Variants in LIMCH1 observed in about 807,000 individuals in gnomAD.
LIMCH1 encodes LIM and calponin homology domains 1.
A neutral mutation model predicts 176.5 loss-of-function variants in LIMCH1; 113 were observed. The ratio of observed to expected loss-of-function variants is 0.64; its 90% confidence interval spans 0.55 to 0.75. LIMCH1 has a LOEUF of 0.75. Ranked by LOEUF, LIMCH1 falls within the 30% of genes least tolerant of loss-of-function variation. The pLI is 0.00. For synonymous variants in LIMCH1, 619 were observed against 645.9 expected (o/e 0.96, Z 0.63); for missense variants, 1,674 against 1,814.9 (o/e 0.92, Z 1.41).
intron 18 of LIMCH1, among the ~76,000 whole-genome samples, chr4:41,657,500 CTG>C (rs2094496561): frequency 6.6e-6 from 1 of 152,184 alleles, no homozygotes; most frequent in African/African-American, 2.4e-5. Context: ...ATACAGAAAA[CTG>C]GAGAAAACAT....
At chr4:41,601,577 G>T (rs959249784) in intron 2 of LIMCH1, among the ~76,000 whole-genome samples, 6 of 152,152 alleles carry the variant, frequency 3.9e-5, no homozygotes, top group African/African-American at 1.4e-4. Context: ...TGTGTGGTGG[G>T]CGTGGCAGTC....
rs781087986 is a variant in LIMCH1 at position 41,451,569 on chromosome 4, C to A, written c.97-42967C>A. Among the ~76,000 whole-genome samples the A allele has an allele frequency of 2.6e-5, 4 of 152,214 alleles. 1 individual carries two copies. The highest frequency in any genetic ancestry group is 5.9e-5 in the Non-Finnish European group (4 of 68,044). ...GACCTCTCCTCTCTCCCTTCTCCCC[C>A]ATGGAGTGCTGGTTCAGGAATATTT... On this transcript the variant is annotated intron_variant, in intron 1 of 26. Coordinates refer to the LIMCH1 transcript ENST00000313860.
chr4:41,435,915 AAAT>A (rs1162569123), intron 1 of LIMCH1, among the ~76,000 whole-genome samples: 23 of 152,334 alleles, frequency 1.5e-4, no homozygotes, highest in African/African-American at 5.3e-4. Flanking sequence ...CCTATAATAG[AAAT>A]AATAAAACAG....
chr4:41,402,302 C>T (rs2058530965), intron 1 of LIMCH1, among the ~76,000 whole-genome samples: 2 of 151,722 alleles, frequency 1.3e-5, no homozygotes, highest in Non-Finnish European at 2.9e-5. Context: ...GTTAGAATGG[C>T]AATCATTAAA....
chr4:41,542,446 G>A (rs1281829639), intron 1 of LIMCH1, among the ~76,000 whole-genome samples: 1 of 151,550 alleles, frequency 6.6e-6, no homozygotes, highest in African/African-American at 2.4e-5. Flanking sequence ...AAATGTGAAT[G>A]TGTGAATTTA....
chr4:41,634,628 A>G (rs1220658162), intron 13 of LIMCH1, among the ~76,000 whole-genome samples: 1 of 152,194 alleles, frequency 6.6e-6, no homozygotes, highest in Non-Finnish European at 1.5e-5. Context: ...TAAAACAGTA[A>G]TGGAGCCTAG....
chr4:41,398,103 TAA>T (rs1159120421), intron 1 of LIMCH1, among the ~76,000 whole-genome samples: 11 of 151,446 alleles, frequency 7.3e-5, no homozygotes, highest in African/African-American at 2.7e-4. Flanking sequence ...CCAGATACTT[TAA>T]ATTAAAAAAA....
intron 1 of LIMCH1, among the ~76,000 whole-genome samples, chr4:41,445,911 A>G (rs923971279): frequency 2.6e-5 from 4 of 152,214 alleles, no homozygotes; most frequent in Admixed American, 1.3e-4. Context: ...TGAGATAAAT[A>G]TATATCAACT....
chr4:41,673,619 G>T lies in LIMCH1; in HGVS notation c.3438+2025G>T, dbSNP rs2095123143. On this transcript the variant is annotated intron_variant, in intron 22 of 31. Coordinates refer to ENST00000503057, the MANE Select transcript of LIMCH1 (RefSeq NM_001330672.2). Reference sequence around the variant, plus strand: ...TTTGGTCAGTCTTGGAGTACCAGAGGCCCTCGGGACTATGAAAGAAAGGGA... The same window carrying T: ...TTTGGTCAGTCTTGGAGTACCAGAGTCCCTCGGGACTATGAAAGAAAGGGA... 2.0e-5 allele frequency among the ~76,000 whole-genome samples: 3 copies of T among 152,136 alleles called. No individual in the cohort carries two copies. In the South Asian group the frequency reaches 6.2e-4, roughly 32 times the overall value.
intron 1 of LIMCH1, among the ~76,000 whole-genome samples, chr4:41,375,348 C>T (rs2054577182): frequency 6.6e-6 from 1 of 151,948 alleles, no homozygotes; most frequent in Non-Finnish European, 1.5e-5. Context: ...CCAACCCATA[C>T]CTAATGGGTT....
Position 41,636,631 on chromosome 4 carries a change from T to C in LIMCH1, c.2091-2301T>C, listed in dbSNP as rs1302631846. Among the ~76,000 whole-genome samples, 4 of 152,304 alleles carry C rather than the reference T, an allele frequency of 2.6e-5. No homozygotes were observed. In the East Asian group the frequency reaches 5.8e-4, roughly 22 times the overall value. ...TTTAATAAATACTTATTGACTAGTC[T>C]GGCCACTGTTCAGGGAACCCAAACA... is the stretch of plus-strand genomic sequence containing the variant. On this transcript the variant is annotated intron_variant, in intron 13 of 31. Transcript: ENST00000503057.
chr4:41,380,122 C>CACCACCACT (rs1371447265), intron 1 of LIMCH1, among the ~76,000 whole-genome samples: 2 of 151,876 alleles, frequency 1.3e-5, no homozygotes, highest in Non-Finnish European at 2.9e-5. Flanking sequence ...GTATTTTAAA[C>CACCACCACT]ACCACCACTA....
chr4:41,386,250 A>C (rs1460030498), intron 1 of LIMCH1, among the ~76,000 whole-genome samples: 1 of 152,146 alleles, frequency 6.6e-6, no homozygotes, highest in Non-Finnish European at 1.5e-5. Flanking sequence ...TTCTTGGGGA[A>C]GCACCAGAGG....
chr4:41,565,592 A>G (rs1561770845), intron 1 of LIMCH1, among the ~76,000 whole-genome samples: 1 of 152,138 alleles, frequency 6.6e-6, no homozygotes, highest in East Asian at 1.9e-4. Flanking sequence ...TCTTTCTCTA[A>G]GAAGAATTCC....
intron 2 of LIMCH1, 90 bp downstream of exon 2, chr4:41,599,116 G>T: frequency 1.3e-6 from 1 of 742,218 alleles, no homozygotes; most frequent in Non-Finnish European, 2.4e-6. Context: ...AAGAGACAGA[G>T]AATTGGTTAT....
At chr4:41,654,400 G>A (rs577303809) in intron 18 of LIMCH1, among the ~76,000 whole-genome samples, 31 of 152,278 alleles carry the variant, frequency 2.0e-4, no homozygotes, top group African/African-American at 6.3e-4. Context: ...GAATGTAAGC[G>A]TTCTGAGCAT....
chr4:41,420,849 A>G (rs1418443898), intron 1 of LIMCH1, among the ~76,000 whole-genome samples: 1 of 152,242 alleles, frequency 6.6e-6, no homozygotes, highest in Non-Finnish European at 1.5e-5. Context: ...TCATTGCAAG[A>G]ACGCTGGAGA....
At chr4:41,610,843 A>G (rs2091333162) in intron 4 of LIMCH1, among the ~76,000 whole-genome samples, 1 of 152,196 alleles carries the variant, frequency 6.6e-6, no homozygotes. Context: ...ATAACATTTC[A>G]GTCAACAGTA....
intron 1 of LIMCH1, among the ~76,000 whole-genome samples, chr4:41,466,689 G>C (rs2066164779): frequency 6.6e-6 from 1 of 152,098 alleles, no homozygotes; most frequent in African/African-American, 2.4e-5. Context: ...AGGTTGTTCA[G>C]TACATATTTT....
Sources: gnomAD v4.1 joint callset for allele counts (sites outside exome capture counted in the v4.1 genomes callset) on GRCh38, gnomAD v4.1.1 for gene constraint, MANE v1.5 for transcripts, NCBI Gene and HGNC (gene_info 2026-07-23, HGNC 2026-07-21) for gene names.